ATRNL1: variants seen among roughly 807,000 people sequenced by gnomAD.
The protein encoded by ATRNL1 is attractin like 1.
Under a neutral mutation model 182.7 loss-of-function variants are expected in ATRNL1, and 95 were observed. The observed-to-expected ratio is 0.52, with a 90% CI of 0.44 to 0.62. The LOEUF (loss-of-function observed/expected upper bound fraction) is 0.62. Ranked by LOEUF, ATRNL1 falls within the 20% of genes least tolerant of loss-of-function variation. The pLI is 0.00. For synonymous variants in ATRNL1, 576 were observed against 568.3 expected (o/e 1.01, Z -0.19); for missense variants, 1,471 against 1,679.5 (o/e 0.88, Z 2.17).
chr10:115,787,665 G>A lies in ATRNL1; in HGVS notation c.3904-60212G>A, dbSNP rs7898775. Among the ~76,000 whole-genome samples the A allele has an allele frequency of 9.3e-3, 1,407 of 152,014 alleles. 24 individuals carry two copies. The highest frequency in any genetic ancestry group is 0.033 in the African/African-American group (1,349 of 41,452). On this transcript the variant is annotated intron_variant, in intron 27 of 28. Coordinates refer to ENST00000355044, the MANE Select transcript of ATRNL1 (RefSeq NM_207303.4). The stretch of plus-strand genomic sequence containing the variant: ...TGATCCAAGCTCCTATTTCATGTGG[G>A]TTTGTTGTTGGCTAAAAAAAAATCC...
At chr10:115,771,429 A>G (rs1256784551) in intron 27 of ATRNL1, among the ~76,000 whole-genome samples, 1 of 152,004 alleles carries the variant, frequency 6.6e-6, no homozygotes, top group Non-Finnish European at 1.5e-5. Context: ...ACGGGGTTTC[A>G]CCGTGTTAGC....
intron 19 of ATRNL1, among the ~76,000 whole-genome samples, chr10:115,368,860 C>T (rs1278287239): frequency 6.6e-6 from 1 of 151,822 alleles, no homozygotes; most frequent in Non-Finnish European, 1.5e-5. Flanking sequence ...ATTACAGGTG[C>T]CCACCACCAC....
chr10:115,175,611 A>C (rs782537084), intron 8 of ATRNL1, among the ~76,000 whole-genome samples: 29 of 152,064 alleles, frequency 1.9e-4, no homozygotes, highest in Non-Finnish European at 3.4e-4. Context: ...ATGATTGATG[A>C]GTTTTATAAG....
intron 20 of ATRNL1, among the ~76,000 whole-genome samples, chr10:115,409,397 T>G (rs1335812950): frequency 6.6e-6 from 1 of 152,192 alleles, no homozygotes; most frequent in Non-Finnish European, 1.5e-5. Flanking sequence ...CTACTGATTT[T>G]TTAATGTTGA....
At chr10:115,281,622 C>CTAA in intron 14 of ATRNL1, 135 bp downstream of exon 14, 1 of 811,966 alleles carries the variant, frequency 1.2e-6, no homozygotes, top group Non-Finnish European at 1.8e-6. Context: ...TATTGTAGTA[C>CTAA]TAATAACACT....
intron 24 of ATRNL1, among the ~76,000 whole-genome samples, chr10:115,518,435 A>C (rs1850747905): frequency 6.6e-6 from 1 of 151,972 alleles, no homozygotes; most frequent in African/African-American, 2.4e-5. Context: ...ACTTATATTG[A>C]CATCTCATTT....
intron 19 of ATRNL1, among the ~76,000 whole-genome samples, chr10:115,383,412 A>G (rs1858144182): frequency 1.3e-5 from 2 of 151,950 alleles, no homozygotes; most frequent in African/African-American, 2.4e-5. Flanking sequence ...TTGTGTCTGT[A>G]TGTAATTTCA....
At chr10:115,616,299 C>T (rs1565216013) in intron 26 of ATRNL1, among the ~76,000 whole-genome samples, 1 of 152,158 alleles carries the variant, frequency 6.6e-6, no homozygotes, top group Non-Finnish European at 1.5e-5. Context: ...TGTGGCGTGG[C>T]TGCAGCTAAT....
chr10:115,282,408 C>A (rs538007135), intron 14 of ATRNL1, among the ~76,000 whole-genome samples: 3 of 151,238 alleles, frequency 2.0e-5, no homozygotes, highest in African/African-American at 2.4e-5. Flanking sequence ...TCCCTCCCCC[C>A]TCTCCCCACC....
intron 27 of ATRNL1, among the ~76,000 whole-genome samples, chr10:115,750,548 T>C (rs953458341): frequency 1.6e-4 from 24 of 151,730 alleles, no homozygotes; most frequent in Non-Finnish European, 7.4e-5. Context: ...AACCTCAGAG[T>C]GGCCAAAAGT....
intron 26 of ATRNL1, among the ~76,000 whole-genome samples, chr10:115,630,742 TA>T: frequency 6.8e-6 from 1 of 147,694 alleles, no homozygotes; most frequent in Middle Eastern, 3.6e-3. Flanking sequence ...CATATATCTA[TA>T]TTTAAGATAT....
At chr10:115,942,909 T>C (rs1335057635) in intron 28 of ATRNL1, among the ~76,000 whole-genome samples, 2 of 152,274 alleles carry the variant, frequency 1.3e-5, no homozygotes, top group East Asian at 3.8e-4. Context: ...AATTATCTGG[T>C]TGAGCCATGG....
intron 26 of ATRNL1, among the ~76,000 whole-genome samples, chr10:115,685,254 C>T (rs1946179255): frequency 6.6e-6 from 1 of 151,602 alleles, no homozygotes; most frequent in African/African-American, 2.4e-5. Flanking sequence ...GAAGTTAGAA[C>T]TCCTCTGTCA....
intron 26 of ATRNL1, among the ~76,000 whole-genome samples, chr10:115,588,350 G>C (rs12259533): frequency 0.48 from 72,260 of 151,810 alleles, 18,642 homozygotes; most frequent in East Asian, 0.84. Context: ...GGAGCTTAGA[G>C]TGTTGGCAGA....
intron 28 of ATRNL1, among the ~76,000 whole-genome samples, chr10:115,881,821 G>T (rs1309949284): frequency 2.0e-5 from 3 of 152,088 alleles, no homozygotes; most frequent in Non-Finnish European, 4.4e-5. Context: ...AAGCTCACCT[G>T]CCCTGCATTA....
chr10:115,252,943 CT>C (rs1192438976), intron 10 of ATRNL1, among the ~76,000 whole-genome samples: 11 of 152,156 alleles, frequency 7.2e-5, no homozygotes, highest in Non-Finnish European at 1.6e-4. Context: ...TTAATGGCCA[CT>C]TTGTGCCAAG....
chr10:115,327,446 G>C (rs1275744457), intron 18 of ATRNL1, among the ~76,000 whole-genome samples: 1 of 152,040 alleles, frequency 6.6e-6, no homozygotes, highest in African/African-American at 2.4e-5. Flanking sequence ...ACAGGTGCTG[G>C]AGAGGATGTG....
chr10:115,102,387 C>T (rs1395375177), intron 1 of ATRNL1, among the ~76,000 whole-genome samples: 1 of 151,746 alleles, frequency 6.6e-6, no homozygotes, highest in African/African-American at 2.4e-5. Flanking sequence ...TTGCAAATTC[C>T]TCACTTTATT....
chr10:115,187,856 AT>A (rs1479630498), intron 8 of ATRNL1, among the ~76,000 whole-genome samples: 3 of 151,318 alleles, frequency 2.0e-5, no homozygotes, highest in Non-Finnish European at 4.4e-5. Context: ...TAATTTTTTA[AT>A]TTTTAGTAGA....
Sources: gnomAD v4.1 joint callset for allele counts (sites outside exome capture counted in the v4.1 genomes callset) on GRCh38, gnomAD v4.1.1 for gene constraint, MANE v1.5 for transcripts, NCBI Gene and HGNC (gene_info 2026-07-23, HGNC 2026-07-21) for gene names.